GRIP1: variants seen among roughly 807,000 people sequenced by gnomAD.
GRIP1 encodes the protein glutamate receptor-interacting protein 1.
Under a neutral mutation model 129.9 loss-of-function variants are expected in GRIP1, and 45 were observed. The observed-to-expected ratio is 0.35, with a 90% CI of 0.27 to 0.44. GRIP1 has a LOEUF of 0.44. Ranked by LOEUF, GRIP1 falls within the 20% of genes least tolerant of loss-of-function variation. GRIP1 has a pLI of 1.00. For synonymous variants in GRIP1, 530 were observed against 520.8 expected (o/e 1.02, Z -0.24); for missense variants, 1,196 against 1,396.8 (o/e 0.86, Z 2.29).
intron 1 of GRIP1, among the ~76,000 whole-genome samples, chr12:66,613,010 G>C (rs1306432954): frequency 6.6e-6 from 1 of 152,142 alleles, no homozygotes; most frequent in East Asian, 1.9e-4. Flanking sequence ...GAATTAATTA[G>C]AGCTGAGTTC....
chr12:66,651,216 T>TAGAATGAAA (rs2032771004), intron 1 of GRIP1, among the ~76,000 whole-genome samples: 3 of 152,206 alleles, frequency 2.0e-5, no homozygotes, highest in Admixed American at 2.0e-4. Flanking sequence ...AAAAGAAACC[T>TAGAATGAAA]AGAATTTCAT....
At chr12:66,466,147 C>T (rs1239210380) in intron 7 of GRIP1, among the ~76,000 whole-genome samples, 1 of 152,254 alleles carries the variant, frequency 6.6e-6, no homozygotes, top group Admixed American at 6.5e-5. Flanking sequence ...TCAATGCCAA[C>T]ATCAATTCCT....
At chr12:66,766,309 T>G (rs1480938906) in intron 1 of GRIP1, among the ~76,000 whole-genome samples, 1 of 152,206 alleles carries the variant, frequency 6.6e-6, no homozygotes, top group Non-Finnish European at 1.5e-5. Context: ...GGGGCTCCCC[T>G]GGCCTTGCTA....
At chr12:67,026,096 C>T (rs996871684) in intron 1 of GRIP1, among the ~76,000 whole-genome samples, 3 of 152,158 alleles carry the variant, frequency 2.0e-5, no homozygotes, top group African/African-American at 4.8e-5. Flanking sequence ...TCCCTGAATA[C>T]TGCCTGTAAT....
intron 1 of GRIP1, among the ~76,000 whole-genome samples, chr12:66,826,354 T>C (rs140812364): frequency 4.0e-4 from 61 of 152,216 alleles, no homozygotes; most frequent in African/African-American, 1.4e-3. Flanking sequence ...CTAATGTAGA[T>C]GACGGGTTGA....
intron 1 of GRIP1, among the ~76,000 whole-genome samples, chr12:66,970,540 CTT>C (rs3051201): frequency 0.21 from 27,724 of 129,366 alleles, 3,176 homozygotes; most frequent in East Asian, 0.27. Context: ...CCTCTAGTGT[CTT>C]TTTTTTTTTT....
chr12:66,710,616 C>T (rs2035682094), intron 1 of GRIP1, among the ~76,000 whole-genome samples: 1 of 151,804 alleles, frequency 6.6e-6, no homozygotes, highest in Non-Finnish European at 1.5e-5. Flanking sequence ...TTGCTATAAC[C>T]CCTGAGTTAA....
At chr12:67,005,861 A>C (rs1358454968) in intron 1 of GRIP1, among the ~76,000 whole-genome samples, 1 of 152,224 alleles carries the variant, frequency 6.6e-6, no homozygotes, top group African/African-American at 2.4e-5. Flanking sequence ...CTGAAAGTAT[A>C]CTTAACAACT....
chr12:66,526,315 T>G (rs2061238444), intron 5 of GRIP1, among the ~76,000 whole-genome samples: 1 of 152,156 alleles, frequency 6.6e-6, no homozygotes, highest in East Asian at 1.9e-4. Context: ...AGCATGGTAC[T>G]GGTACAAAAA....
At chr12:66,519,649 AAGTTTGC>A (rs767899445) in intron 5 of GRIP1, among the ~76,000 whole-genome samples, 3 of 152,188 alleles carry the variant, frequency 2.0e-5, no homozygotes, top group Non-Finnish European at 4.4e-5. Context: ...TAGGTTCTGG[AAGTTTGC>A]AGCAGCAAGG....
intron 1 of GRIP1, among the ~76,000 whole-genome samples, chr12:66,783,459 T>C (rs1377062805): frequency 6.6e-6 from 1 of 152,226 alleles, no homozygotes; most frequent in Non-Finnish European, 1.5e-5. Context: ...GGCTAACCAG[T>C]GGCACCCGCA....
chr12:66,998,758 C>G (rs776798309), intron 1 of GRIP1, among the ~76,000 whole-genome samples: 3 of 152,100 alleles, frequency 2.0e-5, no homozygotes, highest in Non-Finnish European at 2.9e-5. Context: ...AAACACCAAC[C>G]TTTTTAGCTG....
intron 23 of GRIP1, among the ~76,000 whole-genome samples, chr12:66,364,315 T>C (rs1253384023): frequency 2.2e-5 from 2 of 90,862 alleles, no homozygotes; most frequent in Non-Finnish European, 4.7e-5. Flanking sequence ...AAGAAAGAAA[T>C]GATAAGTGGT....
At chr12:66,862,159 A>T (rs1158257956) in intron 1 of GRIP1, among the ~76,000 whole-genome samples, 1 of 152,088 alleles carries the variant, frequency 6.6e-6, no homozygotes, top group Non-Finnish European at 1.5e-5. Context: ...TCTATGGAGG[A>T]TCACAAAGGG....
chr12:66,785,770 A>C (rs533157897), intron 1 of GRIP1, among the ~76,000 whole-genome samples: 43 of 152,172 alleles, frequency 2.8e-4, no homozygotes, highest in Admixed American at 4.6e-4. Flanking sequence ...AGACAATCAC[A>C]CACTTAAGTA....
intron 1 of GRIP1, among the ~76,000 whole-genome samples, chr12:66,755,503 A>G (rs1044145753): frequency 6.6e-6 from 1 of 152,250 alleles, no homozygotes; most frequent in East Asian, 1.9e-4. Flanking sequence ...AGCACAAAAA[A>G]GGATAGCAGT....
At chr12:66,686,691 G>A (rs1401700951) in intron 1 of GRIP1, among the ~76,000 whole-genome samples, 1 of 152,070 alleles carries the variant, frequency 6.6e-6, no homozygotes, top group East Asian at 1.9e-4. Context: ...TGTTCCAGCT[G>A]CTATTTTGAT....
chr12:66,452,705 C>T (rs2058842372), intron 11 of GRIP1, among the ~76,000 whole-genome samples: 1 of 151,896 alleles, frequency 6.6e-6, no homozygotes, highest in South Asian at 2.1e-4. Context: ...AATGGTGGCA[C>T]AGGATAAAGA....
intron 1 of GRIP1, among the ~76,000 whole-genome samples, chr12:66,790,186 A>G (rs937516125): frequency 1.3e-5 from 2 of 152,136 alleles, no homozygotes; most frequent in African/African-American, 4.8e-5. Flanking sequence ...TCAACAATAA[A>G]CTGCTTTGGA....
Sources: allele counts gnomAD v4.1 joint callset (sites outside exome capture counted in the v4.1 genomes callset), GRCh38; gene constraint gnomAD v4.1.1; transcripts MANE v1.5; gene names NCBI Gene and HGNC (gene_info 2026-07-23, HGNC 2026-07-21).